Variants in ENTREP2 observed in about 807,000 individuals in gnomAD.
ENTREP2 encodes the protein endosomal transmembrane epsin interactor 2, also known as protein ENTREP2.
the ENTREP2 span, among the ~76,000 whole-genome samples, chr15:29,137,625 A>G: frequency 6.6e-6 from 1 of 152,132 alleles, no homozygotes. Context: ...ACCTGTGATC[A>G]GGATTTCGAA....
the ENTREP2 span, among the ~76,000 whole-genome samples, chr15:29,228,054 G>A: frequency 2.6e-4 from 40 of 152,224 alleles, no homozygotes; most frequent in African/African-American, 7.7e-4. Flanking sequence ...ACACTGTGCC[G>A]GGCATGGTGG....
the ENTREP2 span, among the ~76,000 whole-genome samples, chr15:29,584,306 A>AG: frequency 6.6e-6 from 1 of 152,244 alleles, no homozygotes; most frequent in Non-Finnish European, 1.5e-5. Flanking sequence ...TGGCCGCTGA[A>AG]GAAAACAAAA....
chr15:29,652,010 T>C, the ENTREP2 span, among the ~76,000 whole-genome samples: 1 of 152,110 alleles, frequency 6.6e-6, no homozygotes, highest in Non-Finnish European at 1.5e-5. Context: ...CTCATGGTGC[T>C]TTTTCCTGGG....
chr15:29,135,921 G>C, the ENTREP2 span, among the ~76,000 whole-genome samples: 3 of 151,822 alleles, frequency 2.0e-5, no homozygotes, highest in African/African-American at 7.3e-5. The surrounding 1 kb of genome is among the most constrained non-coding windows in gnomAD (Gnocchi z 7.4). Flanking sequence ...TCGGTCCATG[G>C]ACCCAGCTCT....
At chr15:29,566,431 T>C in the ENTREP2 span, among the ~76,000 whole-genome samples, 3 of 151,954 alleles carry the variant, frequency 2.0e-5, no homozygotes, top group African/African-American at 7.2e-5. Flanking sequence ...CCCAAAGTGA[T>C]GGGATTACAG....
chr15:29,235,064 G>T, the ENTREP2 span: 1 of 1,119,784 alleles, frequency 8.9e-7, no homozygotes, highest in Non-Finnish European at 1.4e-6. Context: ...CCACAGCCAG[G>T]ACAGGTCCTC....
At chr15:29,429,946 A>T in the ENTREP2 span, among the ~76,000 whole-genome samples, 1 of 152,184 alleles carries the variant, frequency 6.6e-6, no homozygotes, top group African/African-American at 2.4e-5. Flanking sequence ...CACATACCCC[A>T]TCTATACAAT....
chr15:29,239,784 G>A, the ENTREP2 span, among the ~76,000 whole-genome samples: 9 of 152,206 alleles, frequency 5.9e-5, no homozygotes, highest in East Asian at 1.2e-3. Flanking sequence ...CATGCTTGAC[G>A]TGGCCAGCAA....
At chr15:29,148,010 A>T in the ENTREP2 span, among the ~76,000 whole-genome samples, 1 of 152,240 alleles carries the variant, frequency 6.6e-6, no homozygotes, top group Non-Finnish European at 1.5e-5. Flanking sequence ...GAACCTTGAA[A>T]ACATCATGCT....
the ENTREP2 span, among the ~76,000 whole-genome samples, chr15:29,509,517 C>A: frequency 6.6e-6 from 1 of 152,152 alleles, no homozygotes; most frequent in African/African-American, 2.4e-5. Flanking sequence ...TACAAGACTA[C>A]AGTAACCAAA....
chr15:29,244,726 C>T, the ENTREP2 span, among the ~76,000 whole-genome samples: 1 of 152,184 alleles, frequency 6.6e-6, no homozygotes, highest in African/African-American at 2.4e-5. Context: ...AGGCAGTGAA[C>T]ACCGCATGTG....
the ENTREP2 span, among the ~76,000 whole-genome samples, chr15:29,453,269 G>A: frequency 7.2e-5 from 11 of 152,312 alleles, no homozygotes; most frequent in East Asian, 1.3e-3. Flanking sequence ...CAGTGATCAC[G>A]GTGCTGCAAG....
the ENTREP2 span, among the ~76,000 whole-genome samples, chr15:29,491,196 C>A: frequency 6.6e-6 from 1 of 152,204 alleles, no homozygotes; most frequent in Admixed American, 6.5e-5. Flanking sequence ...TGCACCCACC[C>A]AGATCTTGGG....
chr15:29,239,027 G>A, the ENTREP2 span, among the ~76,000 whole-genome samples: 3 of 151,980 alleles, frequency 2.0e-5, no homozygotes. Flanking sequence ...ATATAAAATT[G>A]TTTTGTTTTT....
chr15:29,223,649 T>G, the ENTREP2 span, among the ~76,000 whole-genome samples: 1 of 152,070 alleles, frequency 6.6e-6, no homozygotes, highest in African/African-American at 2.4e-5. Flanking sequence ...TTGCAGACAC[T>G]AAAGCCCTGC....
At chr15:29,333,463 T>A in the ENTREP2 span, among the ~76,000 whole-genome samples, 3 of 151,964 alleles carry the variant, frequency 2.0e-5, no homozygotes, top group Non-Finnish European at 4.4e-5. Context: ...GGTGAGCACC[T>A]GTGATGAGAA....
the ENTREP2 span, among the ~76,000 whole-genome samples, chr15:29,488,678 G>A: frequency 6.6e-6 from 1 of 152,100 alleles, no homozygotes; most frequent in Non-Finnish European, 1.5e-5. Flanking sequence ...AGCGAGAGAG[G>A]AGCCACTGAT....
At chr15:29,253,271 G>T in the ENTREP2 span, among the ~76,000 whole-genome samples, 1 of 152,062 alleles carries the variant, frequency 6.6e-6, no homozygotes, top group African/African-American at 2.4e-5. Context: ...TTTTTCCTCT[G>T]TGAAATTTAC....
At chr15:29,620,322 G>T in the ENTREP2 span, among the ~76,000 whole-genome samples, 3 of 152,164 alleles carry the variant, frequency 2.0e-5, no homozygotes, top group African/African-American at 4.8e-5. Context: ...GGGAGAAACC[G>T]GGGGGAAGTG....
Sources: gnomAD v4.1 joint callset for allele counts (sites outside exome capture counted in the v4.1 genomes callset) on GRCh38, gnomAD v4.1.1 for gene constraint, Gnocchi (gnomAD v3.1) non-coding constraint, MANE v1.5 for transcripts, NCBI Gene and HGNC (gene_info 2026-07-23, HGNC 2026-07-21) for gene names.